The following PDZD8 variants were observed in gnomAD, a reference collection of about 807,000 sequenced individuals.
The protein encoded by PDZD8 is PDZ domain-containing protein 8.
In PDZD8, 14 loss-of-function variants were observed where a neutral mutation model predicts 85.8. That is an observed-to-expected ratio of 0.16 (90% CI 0.11 to 0.26). PDZD8 has a LOEUF of 0.26. Ranked by LOEUF, PDZD8 falls within the 10% of genes least tolerant of loss-of-function variation. PDZD8 has a pLI of 1.00. For missense variants in PDZD8, 1,197 were observed against 1,424.3 expected (o/e 0.84, Z 2.57); for synonymous variants, 592 against 568.6 (o/e 1.04, Z -0.59).
At chr10:117,289,298 C>A (rs1438462545) in intron 4 of PDZD8, among the ~76,000 whole-genome samples, 4 of 152,192 alleles carry the variant, frequency 2.6e-5, no homozygotes. Context: ...GGATTTGAAT[C>A]AAAGGCAGAG....
intron 2 of PDZD8, among the ~76,000 whole-genome samples, chr10:117,339,366 C>T (rs1048803972): frequency 2.6e-5 from 4 of 152,090 alleles, no homozygotes; most frequent in African/African-American, 9.7e-5. Context: ...TCAGGAGATA[C>T]ATTAAGAAGG....
At chr10:117,363,628 G>A (rs11197969) in intron 1 of PDZD8, among the ~76,000 whole-genome samples, 35,142 of 152,024 alleles carry the variant, frequency 0.23, 4,723 homozygotes, top group East Asian at 0.43. Flanking sequence ...ACTTAATACA[G>A]AAGAATAAAC....
chr10:117,287,580 A>G (rs984761105), intron 4 of PDZD8, among the ~76,000 whole-genome samples: 3 of 152,096 alleles, frequency 2.0e-5, no homozygotes, highest in Non-Finnish European at 4.4e-5. Flanking sequence ...AGTTAACTCA[A>G]TTTGAATCCT....
At chr10:117,331,564 A>G (rs1804064668) in intron 2 of PDZD8, among the ~76,000 whole-genome samples, 1 of 152,216 alleles carries the variant, frequency 6.6e-6, no homozygotes, top group South Asian at 2.1e-4. Context: ...CTGATTATCA[A>G]AGACACAATC....
rs1442536885 is a variant in PDZD8 at position 117,285,251 on chromosome 10, C to T, written c.1482G>A (p.Leu494=). ...TTGCCAAGTCTTCAAATTCAGAATC[C>T]AGCTCTCTACTTTCAGTATCTACTG... The part of the protein sequence containing the change: ...GLTVDTESRE[L]DSEFEDLASD... The change falls in exon 5 of 5, where the codon CTG becomes CTA. Residue 494 remains leucine, a synonymous_variant. Coordinates refer to ENST00000334464, the MANE Select transcript of PDZD8 (RefSeq NM_173791.5). The T allele has an allele frequency of 6.2e-7, 1 of 1,614,134 alleles. No homozygotes were observed. Among genetic ancestry groups the T allele is most frequent in the East Asian group, 2.2e-5 (1 of 44,888 alleles).
At chr10:117,366,592 TACC>T (rs140867417) in intron 1 of PDZD8, among the ~76,000 whole-genome samples, 18 of 150,664 alleles carry the variant, frequency 1.2e-4, no homozygotes, top group African/African-American at 2.7e-4. Context: ...TCACCACCAT[TACC>T]ACCACCACCA....
intron 1 of PDZD8, among the ~76,000 whole-genome samples, chr10:117,344,959 A>T (rs1021142096): frequency 2.0e-5 from 3 of 152,150 alleles, no homozygotes; most frequent in Non-Finnish European, 4.4e-5. Context: ...AAGTGGTTCC[A>T]TAGTGGGAAA....
chr10:117,342,011 A>G (rs1415652286), intron 1 of PDZD8, among the ~76,000 whole-genome samples: 1 of 152,244 alleles, frequency 6.6e-6, no homozygotes, highest in Non-Finnish European at 1.5e-5. Flanking sequence ...TCTCCAGATG[A>G]AAAGAATGAA....
chr10:117,371,711 G>A (rs771791036), intron 1 of PDZD8, among the ~76,000 whole-genome samples: 1 of 152,128 alleles, frequency 6.6e-6, no homozygotes, highest in Non-Finnish European at 1.5e-5. Context: ...GAGGTGGGAG[G>A]ATCACTTGAA....
intron 1 of PDZD8, among the ~76,000 whole-genome samples, chr10:117,349,871 ATATAAC>A (rs1199047092): frequency 2.6e-5 from 4 of 152,178 alleles, no homozygotes; most frequent in Non-Finnish European, 5.9e-5. Context: ...AAAATAGTTA[ATATAAC>A]TATATCAAAA....
chr10:117,356,623 C>T (rs547480311), intron 1 of PDZD8, among the ~76,000 whole-genome samples: 4 of 152,050 alleles, frequency 2.6e-5, no homozygotes, highest in East Asian at 1.9e-4. Flanking sequence ...TATTCCTGAC[C>T]GCATTTACAA....
Position 117,318,903 on chromosome 10 carries a change from C to G in PDZD8, c.1067G>C (p.Trp356Ser), listed in dbSNP as rs764159166. 7 of 1,611,102 alleles carry G rather than the reference C, an allele frequency of 4.3e-6. No individual in the cohort carries two copies. In the Admixed American group the frequency reaches 1.2e-4, roughly 27 times the overall value. ...HCTLELSSSV[W>S]EEKQRSSIKT... ...AATAGAACTCCTCTGTTTTTCTTCC[C>G]AAACACTACTGCTTAACTCAAGTGT... is the stretch of plus-strand genomic sequence containing the variant. Residue 356 changes from tryptophan to serine, a missense_variant, in exon 3 of 5, where the codon TGG becomes TCG. By Grantham distance (177) the Trp-to-Ser change is radical. Coordinates refer to ENST00000334464, the MANE Select transcript of PDZD8 (RefSeq NM_173791.5).
intron 1 of PDZD8, among the ~76,000 whole-genome samples, chr10:117,352,325 TAG>T (rs950678507): frequency 3.3e-5 from 5 of 152,212 alleles, no homozygotes; most frequent in Non-Finnish European, 7.3e-5. Context: ...ATAAATCTGC[TAG>T]AGTTTTCAGA....
chr10:117,352,212 G>T (rs17545387), intron 1 of PDZD8, among the ~76,000 whole-genome samples: 31,627 of 152,026 alleles, frequency 0.21, 3,871 homozygotes, highest in Middle Eastern at 0.34. Context: ...GCAAACACTG[G>T]GATCTTTAGA....
chr10:117,373,750 A>G (rs937460756), intron 1 of PDZD8, among the ~76,000 whole-genome samples: 3 of 151,854 alleles, frequency 2.0e-5, no homozygotes, highest in African/African-American at 7.3e-5. Flanking sequence ...ACTGTACTCC[A>G]GCCTGGGCGA....
At chr10:117,344,726 C>T (rs1433373346) in intron 1 of PDZD8, among the ~76,000 whole-genome samples, 1 of 152,100 alleles carries the variant, frequency 6.6e-6, no homozygotes, top group Admixed American at 6.5e-5. Context: ...CACAGGGCTC[C>T]CTCATCCCAC....
At chr10:117,298,783 A>C (rs564372292) in intron 3 of PDZD8, among the ~76,000 whole-genome samples, 1 of 152,290 alleles carries the variant, frequency 6.6e-6, no homozygotes, top group African/African-American at 2.4e-5. Context: ...CGATATTGTG[A>C]CTACATATTG....
chr10:117,300,122 C>T (rs1191182913), intron 3 of PDZD8, among the ~76,000 whole-genome samples: 4 of 152,074 alleles, frequency 2.6e-5, no homozygotes, highest in Admixed American at 6.6e-5. Context: ...TTTTCAGTAC[C>T]AGGCCAGTTC....
Position 117,285,034 on chromosome 10 carries a change from G to T in PDZD8, c.1699C>A (p.Leu567Ile). ...QSKDGNKPPPLKTSEITDPAQ... is the reference protein window; with the variant it reads ...QSKDGNKPPPIKTSEITDPAQ... ...GGGTCTGTTATCTCAGAAGTTTTTA[G>T]GGGTGGAGGTTTATTTCCATCTTTG... is the stretch of plus-strand genomic sequence containing the variant. The change falls in exon 5 of 5, where the codon CTA becomes ATA. Residue 567 changes from leucine (L) to isoleucine (I), a missense_variant. Physicochemically the swap from Leu to Ile is conservative, Grantham distance 5. This residue lies in a region of PDZD8 where 263 missense variants were observed against 261.9 expected (regional missense o/e 1.00). Transcript: ENST00000334464. 3 of 1,614,018 alleles carry T rather than the reference G, an allele frequency of 1.9e-6. 1 individual carries two copies. Among genetic ancestry groups the T allele is most frequent in the Non-Finnish European group, 2.5e-6 (3 of 1,179,902 alleles).
Sources: gnomAD v4.1 joint callset for allele counts (sites outside exome capture counted in the v4.1 genomes callset) on GRCh38, gnomAD v4.1.1 for gene constraint, gnomAD v4.1.1 regional missense constraint, MANE v1.5 for transcripts, NCBI Gene and HGNC (gene_info 2026-07-23, HGNC 2026-07-21) for gene names.